PTPRD: variants seen among roughly 807,000 people sequenced by gnomAD.
PTPRD encodes the protein protein tyrosine phosphatase receptor type D.
A neutral mutation model predicts 214.5 loss-of-function variants in PTPRD; 34 were observed. That is an observed-to-expected ratio of 0.16 (90% CI 0.12 to 0.21). The LOEUF is 0.21. Ranked by LOEUF, PTPRD falls within the 10% of genes least tolerant of loss-of-function variation. The probability of loss-of-function intolerance (pLI) is 1.00; values close to 1 mark genes in which losing one functional copy is unlikely to be tolerated. For missense variants in PTPRD, 2,545 were observed against 2,398.7 expected, an observed-to-expected ratio of 1.06 and a Z score of -1.27; for synonymous variants, 1,128 against 845.7, an observed-to-expected ratio of 1.33 and a Z score of -5.79.
At chr9:8,978,853 C>T (rs1055514933) in intron 11 of PTPRD, among the ~76,000 whole-genome samples, 7 of 152,140 alleles carry the variant, frequency 4.6e-5, no homozygotes, top group Non-Finnish European at 7.4e-5. Context: ...ATCTTACCTG[C>T]TTCACTTTAC....
intron 9 of PTPRD, among the ~76,000 whole-genome samples, chr9:9,293,053 C>G (rs1951728673): frequency 6.6e-6 from 1 of 151,538 alleles, no homozygotes; most frequent in Non-Finnish European, 1.5e-5. Flanking sequence ...TTTCTCCTCT[C>G]TATCCTCACG....
chr9:8,625,707 G>A (rs1037855179), intron 14 of PTPRD, among the ~76,000 whole-genome samples: 22 of 151,704 alleles, frequency 1.5e-4, no homozygotes, highest in African/African-American at 4.6e-4. Flanking sequence ...TAACATTTAT[G>A]TAATGCATGG....
At chr9:10,027,331 T>TG (rs775909310) in intron 4 of PTPRD, among the ~76,000 whole-genome samples, 11 of 152,104 alleles carry the variant, frequency 7.2e-5, no homozygotes, top group Non-Finnish European at 8.8e-5. Context: ...GCAATAAAGC[T>TG]GGGGGGAAAA....
At chr9:8,461,177 CAA>C (rs2096389066) in intron 32 of PTPRD, among the ~76,000 whole-genome samples, 1 of 151,966 alleles carries the variant, frequency 6.6e-6, no homozygotes, top group African/African-American at 2.4e-5. Context: ...TCTACAATTT[CAA>C]AAGAGAATTC....
At chr9:10,324,584 A>T (rs1202517265) in intron 3 of PTPRD, among the ~76,000 whole-genome samples, 2 of 151,970 alleles carry the variant, frequency 1.3e-5, no homozygotes, top group Non-Finnish European at 2.9e-5. Flanking sequence ...TCCGACTGTG[A>T]AGTCAGATGG....
At chr9:8,773,632 C>A (rs960628629) in intron 11 of PTPRD, among the ~76,000 whole-genome samples, 3 of 152,086 alleles carry the variant, frequency 2.0e-5, no homozygotes, top group African/African-American at 7.2e-5. Context: ...AATGTAAATC[C>A]CCTGCTTAAA....
At chr9:9,249,523 C>A (rs1036124100) in intron 9 of PTPRD, among the ~76,000 whole-genome samples, 2 of 152,072 alleles carry the variant, frequency 1.3e-5, no homozygotes, top group Admixed American at 6.6e-5. Context: ...TATTATACCT[C>A]ATAAACTTAT....
intron 2 of PTPRD, among the ~76,000 whole-genome samples, chr9:10,471,732 T>C (rs2099032316): frequency 6.6e-6 from 1 of 152,282 alleles, no homozygotes; most frequent in Non-Finnish European, 1.5e-5. Flanking sequence ...AAAGAAGTCA[T>C]CGTTATAGTA....
intron 9 of PTPRD, among the ~76,000 whole-genome samples, chr9:9,344,468 C>A (rs553614008): frequency 6.6e-5 from 10 of 151,770 alleles, no homozygotes; most frequent in African/African-American, 2.4e-4. Flanking sequence ...ATGTTCAGCA[C>A]ATGTATCCCA....
At chr9:8,688,519 C>T (rs911347469) in intron 12 of PTPRD, among the ~76,000 whole-genome samples, 5 of 149,258 alleles carry the variant, frequency 3.3e-5, no homozygotes, top group African/African-American at 7.4e-5. Flanking sequence ...GAGCCGAGAT[C>T]GCACCACTGC....
intron 7 of PTPRD, among the ~76,000 whole-genome samples, chr9:9,601,898 G>A (rs79591986): frequency 0.015 from 2,327 of 152,148 alleles, 56 homozygotes; most frequent in African/African-American, 0.053. Context: ...GGGTGAGCAT[G>A]TAGAGAATAA....
At chr9:9,332,336 T>C (rs112154940) in intron 9 of PTPRD, among the ~76,000 whole-genome samples, 20 of 152,064 alleles carry the variant, frequency 1.3e-4, no homozygotes, top group African/African-American at 4.8e-4. Flanking sequence ...TGCAGATAGC[T>C]TGAAAAAATA....
Position 8,497,243 on chromosome 9 carries a change from T to C in PTPRD, c.2348A>G (p.His783Arg). ...ACAAAACAGTCAAAAATTACTCACA[T>C]GTTCAGTAGTATCATCAAATTCCCA... is the stretch of plus-strand genomic sequence containing the variant. ...AQWEFDDTTE[H>R]DMIISGLQPE... is the part of the protein sequence containing the mutation. Residue 783 changes from histidine to arginine, a missense_variant and splice_region_variant, in exon 26 of 46, where the codon CAT becomes CGT. Coordinates refer to ENST00000381196, the MANE Select transcript of PTPRD (RefSeq NM_002839.4). 3 of 1,593,224 alleles carry C rather than the reference T, an allele frequency of 1.9e-6. No homozygotes were observed. The highest frequency in any genetic ancestry group is 2.6e-6 in the Non-Finnish European group (3 of 1,172,610).
intron 11 of PTPRD, among the ~76,000 whole-genome samples, chr9:9,004,187 G>C (rs2099442455): frequency 6.6e-6 from 1 of 151,938 alleles, no homozygotes; most frequent in Non-Finnish European, 1.5e-5. Flanking sequence ...TTGATATTCA[G>C]TATCATTTTT....
At chr9:9,119,398 A>T (rs1422550384) in intron 10 of PTPRD, among the ~76,000 whole-genome samples, 1 of 152,198 alleles carries the variant, frequency 6.6e-6, no homozygotes, top group Non-Finnish European at 1.5e-5. Context: ...GTTGTGATAT[A>T]TTTACATGAA....
intron 3 of PTPRD, among the ~76,000 whole-genome samples, chr9:10,137,701 T>TAAA (rs76032048): frequency 2.4e-3 from 172 of 71,460 alleles, no homozygotes; most frequent in African/African-American, 3.5e-3. Context: ...TAGAGTATAA[T>TAAA]AAAAAAAAAA....
chr9:10,161,364 C>G (rs1311229526), intron 3 of PTPRD, among the ~76,000 whole-genome samples: 1 of 151,768 alleles, frequency 6.6e-6, no homozygotes, highest in African/African-American at 2.4e-5. Context: ...ATCAATGGAG[C>G]AGAATAGAGA....
chr9:9,552,077 C>G (rs2080413730), intron 8 of PTPRD, among the ~76,000 whole-genome samples: 2 of 152,006 alleles, frequency 1.3e-5, no homozygotes, highest in Non-Finnish European at 2.9e-5. Context: ...TCAGACTCTC[C>G]TCTCACTTTC....
intron 2 of PTPRD, among the ~76,000 whole-genome samples, chr9:10,363,310 T>C (rs2097432076): frequency 2.0e-5 from 3 of 152,204 alleles, no homozygotes; most frequent in East Asian, 1.9e-4. Context: ...AAGTAAATAA[T>C]AGATATGACT....
Sources: allele counts gnomAD v4.1 joint callset (sites outside exome capture counted in the v4.1 genomes callset), GRCh38; gene constraint gnomAD v4.1.1; transcripts MANE v1.5; gene names NCBI Gene and HGNC (gene_info 2026-07-23, HGNC 2026-07-21).